Variants in CAVIN1 observed in about 807,000 individuals in gnomAD.
CAVIN1 encodes caveolae associated protein 1.
A neutral mutation model predicts 24.0 loss-of-function variants in CAVIN1; 16 were observed. The ratio of observed to expected loss-of-function variants is 0.67; its 90% CI spans 0.45 to 1.01. The LOEUF is 1.01. CAVIN1 is among the 50% of genes least tolerant of loss of function. CAVIN1 has a pLI of 0.00. For missense variants in CAVIN1, 510 were observed against 551.7 expected (o/e 0.92, Z 0.76); for synonymous variants, 256 against 256.4 (o/e 1.00, Z 0.02).
At position 42,404,471 on chromosome 17, in the gene CAVIN1, C is replaced by G. The variant is rs2145470505; in HGVS notation, c.*216G>C. 2.3e-6 allele frequency: 1 copy of G among 428,092 alleles called. No homozygotes were observed. The highest frequency in any genetic ancestry group is 4.0e-5 in the East Asian group (1 of 25,066). 26.5% of individuals were successfully genotyped at this position (428,092 alleles called of 1,614,324 possible). A position where few individuals can be genotyped will look rare whatever the true frequency, so the allele number is the denominator to read the frequency against. On this transcript the variant is annotated 3_prime_UTR_variant, in exon 2 of 2. Transcript: ENST00000357037. ...AGGGATTGACCATTCCCTTCCCATT[C>G]CACTCGGACTGTGTCCAAGCGGGGG... is the stretch of plus-strand genomic sequence containing the variant.
intron 1 of CAVIN1, among the ~76,000 whole-genome samples, chr17:42,416,445 C>T (rs776251818): frequency 6.6e-5 from 10 of 151,572 alleles, no homozygotes; most frequent in Non-Finnish European, 8.8e-5. Flanking sequence ...TAAAAATTAG[C>T]TGGGCATGGT....
At chr17:42,412,389 CTT>C (rs34186503) in intron 1 of CAVIN1, 11,324 of 202,024 alleles carry the variant, frequency 0.056, 230 homozygotes, top group African/African-American at 0.093. Flanking sequence ...AAATAAACCA[CTT>C]TTTTTTTTTT....
rs2085424802 is a variant in CAVIN1 at position 42,403,633 on chromosome 17, T to C, written c.*1054A>G. On this transcript the variant is annotated 3_prime_UTR_variant, in exon 2 of 2. Transcript: ENST00000357037. The stretch of plus-strand genomic sequence containing the variant: ...TCCACCTTCTCCTATTTTCCTTTTT[T>C]TTCCTTCTGTTGAGATGGAGTCTCA... 6.5e-6 allele frequency: 1 copy of C among 152,688 alleles called. No individual in the cohort carries two copies. Among genetic ancestry groups the C allele is most frequent in the Non-Finnish European group, 1.5e-5 (1 of 68,140 alleles). The allele number at this position is 152,688 out of a possible 1,614,324, so 9.5% of individuals were successfully genotyped here.
In CAVIN1 at chr17:42,405,039, A is replaced by G; in HGVS notation, c.821T>C (p.Met274Thr). The stretch of plus-strand genomic sequence containing the variant: ...CACCAGGCGCGTGCCCAGCTTGTTC[A>G]TGCGCTTCTCCAGGGTGTGCCGCGT... ...EKTRHTLEKR[M>T]NKLGTRLVPA... Residue 274 changes from methionine to threonine, a missense_variant, in exon 2 of 2, where the codon ATG (methionine) becomes ACG (threonine). Physicochemically the swap from Met to Thr is moderately conservative, Grantham distance 81. Coordinates refer to ENST00000357037, the MANE Select transcript of CAVIN1 (RefSeq NM_012232.6). The G allele has an allele frequency of 1.2e-6, 2 of 1,613,906 alleles. No homozygotes were observed. Among genetic ancestry groups the G allele is most frequent in the Non-Finnish European group, 1.7e-6 (2 of 1,179,962 alleles).
At chr17:42,412,070 C>A (rs2085482154) in intron 1 of CAVIN1, 7 of 985,252 alleles carry the variant, frequency 7.1e-6, no homozygotes, top group Non-Finnish European at 8.4e-6. Flanking sequence ...GCTGTCAGCT[C>A]CTCTGGGGTG....
At chr17:42,405,682 G>GT (rs531661585) in intron 1 of CAVIN1, among the ~76,000 whole-genome samples, 7,862 of 57,542 alleles carry the variant, frequency 0.14, 345 homozygotes, top group Non-Finnish European at 0.19. Context: ...CTCTCTCCTT[G>GT]TTTTTTTTTT....
Position 42,411,192 on chromosome 17 carries a change from C to CAAAAAAAAA in CAVIN1, c.472-5813_472-5805dup, listed in dbSNP as rs71157624. On this transcript the variant is annotated intron_variant, in intron 1 of 1. Coordinates refer to ENST00000357037, the MANE Select transcript of CAVIN1 (RefSeq NM_012232.6). The stretch of plus-strand genomic sequence containing the variant: ...TGGGTGACAGAGTAGGACTATGTCT[C>CAAAAAAAAA]AAAAAAAAAAAAAAAAACTAAAAGG... 2.0e-3 allele frequency among the ~76,000 whole-genome samples: 92 copies of CAAAAAAAAA among 46,654 alleles called. 9 individuals carry two copies. Among genetic ancestry groups the CAAAAAAAAA allele is most frequent in the African/African-American group, 6.6e-3 (88 of 13,298 alleles). The allele number at this position is 46,654 out of a possible 152,430, so 30.6% of individuals were successfully genotyped here. A position where few individuals can be genotyped will look rare whatever the true frequency, so the allele number is the denominator to read the frequency against.
intron 1 of CAVIN1, among the ~76,000 whole-genome samples, chr17:42,421,104 G>A (rs139248977): frequency 1.3e-5 from 2 of 152,298 alleles, no homozygotes; most frequent in African/African-American, 4.8e-5. Flanking sequence ...CCACGTATAT[G>A]CCTCCTGGGA....
At chr17:42,405,503 C>G (rs2085438872) in intron 1 of CAVIN1, 115 bp from the exon 2 acceptor site, 1 of 1,111,166 alleles carries the variant, frequency 9.0e-7, no homozygotes, top group Admixed American at 1.8e-5. Context: ...TCGTGGTCCC[C>G]AGGAAACTGG....
chr17:42,412,014 C>G, intron 1 of CAVIN1: 1 of 985,400 alleles, frequency 1.0e-6, no homozygotes, highest in South Asian at 4.7e-5. Flanking sequence ...AAGAGATACC[C>G]CACGCCCACA....
intron 1 of CAVIN1, among the ~76,000 whole-genome samples, chr17:42,418,474 G>C (rs543166774): frequency 1.3e-5 from 2 of 151,634 alleles, no homozygotes; most frequent in African/African-American, 4.8e-5. Flanking sequence ...CAGGTGATCC[G>C]CCCGCCTCAG....
intron 1 of CAVIN1, among the ~76,000 whole-genome samples, chr17:42,419,882 CGTGTGTGTGTGTGTGTGT>C (rs5820458): frequency 7.7e-5 from 11 of 143,658 alleles, no homozygotes; most frequent in African/African-American, 2.9e-4. Context: ...TGCTGAATTT[CGTGTGTGTGTGTGTGTGT>C]GTGTGTGTGT....
At chr17:42,418,012 T>C (rs532091595) in intron 1 of CAVIN1, among the ~76,000 whole-genome samples, 1 of 152,180 alleles carries the variant, frequency 6.6e-6, no homozygotes, top group East Asian at 1.9e-4. Flanking sequence ...TACTTACCAT[T>C]GTGTTATAGT....
chr17:42,405,682 G>GTTTTTT lies in CAVIN1; in HGVS notation c.472-300_472-295dup, dbSNP rs531661585. ...CCATTCTTTCTCTCTCTCTCTCCTT[G>GTTTTTT]TTTTTTTTTTTTTTTTTTTTTTTAA... is the stretch of plus-strand genomic sequence containing the variant. On this transcript the variant is annotated intron_variant, in intron 1 of 1. Transcript: ENST00000357037. Among the ~76,000 whole-genome samples the GTTTTTT allele has an allele frequency of 8.5e-3, 490 of 57,720 alleles. 20 individuals carry two copies. Among genetic ancestry groups the GTTTTTT allele is most frequent in the African/African-American group, 0.022 (454 of 20,412 alleles). 37.9% of individuals were successfully genotyped at this position (57,720 alleles called of 152,430 possible).
intron 1 of CAVIN1, among the ~76,000 whole-genome samples, chr17:42,420,726 T>G (rs2085539921): frequency 6.6e-6 from 1 of 152,132 alleles, no homozygotes; most frequent in Non-Finnish European, 1.5e-5. Context: ...TCTTTCTCCC[T>G]CCATACCTTT....
chr17:42,421,625 C>G (rs950535514), intron 1 of CAVIN1, among the ~76,000 whole-genome samples: 10 of 152,096 alleles, frequency 6.6e-5, no homozygotes, highest in African/African-American at 2.4e-4. Context: ...CATAGAAACC[C>G]GAGACTCCCA....
At chr17:42,419,335 A>G (rs1180337304) in intron 1 of CAVIN1, among the ~76,000 whole-genome samples, 1 of 150,348 alleles carries the variant, frequency 6.7e-6, no homozygotes, top group African/African-American at 2.5e-5. Context: ...TATTTTTGAG[A>G]TGGAGTCTCA....
intron 1 of CAVIN1, among the ~76,000 whole-genome samples, chr17:42,421,734 G>A (rs1190442319): frequency 6.6e-6 from 1 of 152,126 alleles, no homozygotes; most frequent in Non-Finnish European, 1.5e-5. Context: ...GGGCGGAGCC[G>A]GGGGGTGGGG....
chr17:42,411,202 A>AAAAAAAAAAAAC (rs2085475204), intron 1 of CAVIN1, among the ~76,000 whole-genome samples: 1 of 147,280 alleles, frequency 6.8e-6, no homozygotes, highest in Non-Finnish European at 1.5e-5. Flanking sequence ...CAAAAAAAAA[A>AAAAAAAAAAAAC]AAAAAAACTA....
Sources: gnomAD v4.1 joint callset for allele counts (sites outside exome capture counted in the v4.1 genomes callset) on GRCh38, gnomAD v4.1.1 for gene constraint, MANE v1.5 for transcripts, NCBI Gene and HGNC (gene_info 2026-07-23, HGNC 2026-07-21) for gene names.